The following ASTN2 variants were observed in gnomAD, a reference collection of about 807,000 sequenced individuals.
ASTN2 encodes astrotactin 2.
ASTN2 carries 54 observed loss-of-function variants against 139.8 expected under a neutral mutation model. The ratio of observed to expected loss-of-function variants is 0.39; its 90% CI spans 0.31 to 0.48. The LOEUF is 0.48. Ranked by LOEUF, ASTN2 falls within the 20% of genes least tolerant of loss-of-function variation. The probability of loss-of-function intolerance (pLI) is 0.95; values close to 1 mark genes in which losing one functional copy is unlikely to be tolerated. For missense variants in ASTN2, 1,565 were observed against 1,725.1 expected (o/e 0.91, Z 1.64); for synonymous variants, 756 against 719.5 (o/e 1.05, Z -0.81).
intron 10 of ASTN2, among the ~76,000 whole-genome samples, chr9:116,910,827 C>T (rs1834289997): frequency 6.6e-6 from 1 of 152,160 alleles, no homozygotes; most frequent in Non-Finnish European, 1.5e-5. Context: ...TGGAGTTTTG[C>T]ATGGAGAGAA....
chr9:116,496,936 C>G (rs543608159), intron 19 of ASTN2, among the ~76,000 whole-genome samples: 35 of 152,298 alleles, frequency 2.3e-4, no homozygotes, highest in African/African-American at 6.7e-4. Flanking sequence ...CAGGGTCCCT[C>G]CCATAACACA....
At chr9:117,281,183 G>C (rs1168618602) in intron 2 of ASTN2, among the ~76,000 whole-genome samples, 2 of 152,110 alleles carry the variant, frequency 1.3e-5, no homozygotes, top group African/African-American at 4.8e-5. Context: ...ACCTTCCCTG[G>C]GCACCTTGCT....
At chr9:116,469,714 T>A (rs1037578385) in intron 20 of ASTN2, among the ~76,000 whole-genome samples, 1 of 152,222 alleles carries the variant, frequency 6.6e-6, no homozygotes, top group African/African-American at 2.4e-5. Context: ...AATACATACT[T>A]ATTGAGTGTC....
chr9:117,271,655 A>G (rs1361275253), intron 2 of ASTN2, among the ~76,000 whole-genome samples: 1 of 152,224 alleles, frequency 6.6e-6, no homozygotes, highest in African/African-American at 2.4e-5. Context: ...ATATCGGGTA[A>G]ACACGGCTGT....
intron 16 of ASTN2, among the ~76,000 whole-genome samples, chr9:116,663,145 A>G (rs1257111305): frequency 6.6e-6 from 1 of 152,188 alleles, no homozygotes; most frequent in African/African-American, 2.4e-5. Context: ...CAAAGAGGAA[A>G]TGCTCAGAAA....
intron 20 of ASTN2, among the ~76,000 whole-genome samples, chr9:116,481,785 G>A (rs970710760): frequency 6.6e-6 from 1 of 152,090 alleles, no homozygotes. Flanking sequence ...CTGAGTCTTC[G>A]GCCCCCAAGC....
chr9:116,514,017 G>A (rs192499504), intron 19 of ASTN2, among the ~76,000 whole-genome samples: 1,757 of 151,716 alleles, frequency 0.012, 18 homozygotes, highest in Non-Finnish European at 0.019. Context: ...GTCTTTCTCC[G>A]TCCAGCTTTG....
chr9:117,247,265 C>T (rs1247983078), intron 2 of ASTN2, among the ~76,000 whole-genome samples: 5 of 152,214 alleles, frequency 3.3e-5, no homozygotes, highest in African/African-American at 4.8e-5. Context: ...CCAGGATTAG[C>T]GGCTTGCCTC....
Position 116,863,641 on chromosome 9 carries a change from C to T in ASTN2, c.1982G>A (p.Gly661Asp), listed in dbSNP as rs780920588. The T allele has an allele frequency of 5.6e-6, 9 of 1,614,036 alleles. No individual in the cohort carries two copies. The highest frequency in any genetic ancestry group is 3.3e-5 in the Admixed American group (2 of 60,008). Reference sequence around the variant, plus strand: ...CACACACTTGAAGTTGCGAGTGCAGCCCCCATTGTTCCGAGAGCAGTCACG... The same window carrying T: ...CACACACTTGAAGTTGCGAGTGCAGTCCCCATTGTTCCGAGAGCAGTCACG... ...PVRDCSRNNG[G>D]CTRNFKCVSD... The change falls in exon 11 of 23, where the codon GGC (glycine) becomes GAC (aspartate). Residue 661 changes from glycine (G) to aspartate (D), a missense_variant. Physicochemically the swap from Gly to Asp is moderately conservative, Grantham distance 94. This residue lies in a region of ASTN2 where 503 missense variants were observed against 591.7 expected (regional missense o/e 0.85). Transcript: ENST00000313400.
chr9:116,479,830 G>A (rs2119050225), intron 20 of ASTN2, among the ~76,000 whole-genome samples: 1 of 152,244 alleles, frequency 6.6e-6, no homozygotes, highest in South Asian at 2.1e-4. Context: ...CTTCCACTCT[G>A]ACCCCTGTCA....
intron 11 of ASTN2, among the ~76,000 whole-genome samples, chr9:116,835,538 G>A (rs191462465): frequency 1.3e-3 from 191 of 152,174 alleles, no homozygotes; most frequent in African/African-American, 4.3e-3. Flanking sequence ...ACTAAAAGAC[G>A]TCAAAGGAAC....
chr9:116,980,612 G>A (rs938863617), intron 7 of ASTN2, among the ~76,000 whole-genome samples: 1 of 152,110 alleles, frequency 6.6e-6, no homozygotes, highest in Non-Finnish European at 1.5e-5. Context: ...TCTGCTGTTT[G>A]CATTGCCTTT....
rs543422429 is a variant in ASTN2, at chr9:116,820,545, T to C, written c.2207+72A>G. 9.9e-5 allele frequency: 153 copies of C among 1,539,720 alleles called. 1 individual carries two copies. The South Asian group carries it at 1.4e-3, about 15-fold the overall frequency. On this transcript the variant is annotated intron_variant, in intron 12 of 22. Coordinates refer to ENST00000313400, the MANE Select transcript of ASTN2 (RefSeq NM_001365068.1). Reference sequence around the variant, plus strand: ...AAGGTTCAGCCTTGCTGAGCTGTAGTGTCTGATCATTTTCCCATGCATCCC... The same window carrying C: ...AAGGTTCAGCCTTGCTGAGCTGTAGCGTCTGATCATTTTCCCATGCATCCC...
chr9:117,003,942 G>A (rs764565916), intron 7 of ASTN2, among the ~76,000 whole-genome samples: 29 of 139,534 alleles, frequency 2.1e-4, no homozygotes, highest in Non-Finnish European at 3.9e-4. Flanking sequence ...TTTCTTTCAC[G>A]CGCGCGCGCG....
In ASTN2 at chr9:116,941,033, T is replaced by C. The variant is rs536455250; in HGVS notation, c.1889+34175A>G. Among the ~76,000 whole-genome samples, 14 of 152,326 alleles carry C rather than the reference T, an allele frequency of 9.2e-5. No individual in the cohort carries two copies. The East Asian group carries it at 2.7e-3, about 29-fold the overall frequency. On this transcript the variant is annotated intron_variant, in intron 10 of 22. Transcript: ENST00000313400. ...GAGTAATAGGCTACATCATGTAGCC[T>C]TGATGTACAGTAACCTTTACCATCT...
chr9:116,861,543 C>G (rs1222794787), intron 11 of ASTN2, among the ~76,000 whole-genome samples: 1 of 152,184 alleles, frequency 6.6e-6, no homozygotes, highest in East Asian at 1.9e-4. Flanking sequence ...AGGCAGACAG[C>G]TGTTGATGTA....
At chr9:117,124,352 C>G (rs1829633626) in intron 4 of ASTN2, among the ~76,000 whole-genome samples, 1 of 152,090 alleles carries the variant, frequency 6.6e-6, no homozygotes, top group Non-Finnish European at 1.5e-5. Flanking sequence ...TTTGAGGGTT[C>G]AAGGTCACAG....
intron 2 of ASTN2, among the ~76,000 whole-genome samples, chr9:117,270,079 T>C (rs2133123262): frequency 6.6e-6 from 1 of 152,342 alleles, no homozygotes; most frequent in African/African-American, 2.4e-5. Flanking sequence ...GTCCACCTTT[T>C]ATCCTCAGTG....
intron 20 of ASTN2, among the ~76,000 whole-genome samples, chr9:116,446,606 C>T (rs1045118601): frequency 6.6e-6 from 1 of 152,148 alleles, no homozygotes; most frequent in Non-Finnish European, 1.5e-5. Flanking sequence ...AGGTCCAAGT[C>T]TACTTATGGG....
Sources: allele counts gnomAD v4.1 joint callset (sites outside exome capture counted in the v4.1 genomes callset), GRCh38; gene constraint gnomAD v4.1.1; regional missense constraint gnomAD v4.1.1; transcripts MANE v1.5; gene names NCBI Gene and HGNC (gene_info 2026-07-23, HGNC 2026-07-21).